TNRC6B: variants seen among roughly 807,000 people sequenced by gnomAD.
The protein encoded by TNRC6B is trinucleotide repeat-containing gene 6B protein.
A neutral mutation model predicts 203.6 loss-of-function variants in TNRC6B; 52 were observed. The observed-to-expected ratio is 0.26, with a 90% CI of 0.20 to 0.32. The LOEUF is 0.32. Ranked by LOEUF, TNRC6B falls within the 10% of genes least tolerant of loss-of-function variation. The probability of loss-of-function intolerance (pLI) is 1.00; values close to 1 mark genes in which losing one functional copy is unlikely to be tolerated. For missense variants in TNRC6B, 1,923 were observed against 2,286.2 expected (o/e 0.84, Z 3.24); for synonymous variants, 838 against 845.7 (o/e 0.99, Z 0.16).
At chr22:40,223,623 G>A (rs370838767) in intron 1 of TNRC6B, among the ~76,000 whole-genome samples, 4 of 152,282 alleles carry the variant, frequency 2.6e-5, no homozygotes, top group East Asian at 1.9e-4. Context: ...TAATTGCATA[G>A]TATTCTCTTG....
At chr22:40,313,087 T>C in intron 19 of TNRC6B, 90 bp downstream of exon 19, 1 of 1,020,522 alleles carries the variant, frequency 9.8e-7, no homozygotes, top group Non-Finnish European at 1.5e-6. Flanking sequence ...TTTCATAAGA[T>C]ATACTCTTAC....
chr22:40,274,702 T>C (rs1418570172), intron 7 of TNRC6B, among the ~76,000 whole-genome samples: 1 of 152,210 alleles, frequency 6.6e-6, no homozygotes, highest in East Asian at 1.9e-4. Context: ...ATTACAGGCG[T>C]GAGCCTCTGC....
rs1601818745 is a variant in TNRC6B, at chr22:40,106,952, G to A, written c.-120-10103G>A. On this transcript the variant is annotated intron_variant, in intron 1 of 23. Transcript: ENST00000301923. Reference sequence around the variant, plus strand: ...CCTTGCCCTTTGAAGCATCTTTTGGGCAAACTTCTTTCTCAGGCGCTTGAT... The same window carrying A: ...CCTTGCCCTTTGAAGCATCTTTTGGACAAACTTCTTTCTCAGGCGCTTGAT... 3.4e-6 allele frequency: 4 copies of A among 1,176,522 alleles called. No individual in the cohort carries two copies. The African/African-American group carries it at 4.5e-5, about 13-fold the overall frequency. The allele number at this position is 1,176,522 out of a possible 1,614,324, so 72.9% of individuals were successfully genotyped here.
At chr22:40,312,737 C>A in intron 18 of TNRC6B, 86 bp downstream of exon 18, 1 of 1,527,454 alleles carries the variant, frequency 6.5e-7, no homozygotes, top group Non-Finnish European at 8.9e-7. Context: ...CTTGCTGGTA[C>A]CTAAAAGTTT....
At chr22:40,148,580 G>C (rs919293760) in intron 3 of TNRC6B, among the ~76,000 whole-genome samples, 5 of 150,198 alleles carry the variant, frequency 3.3e-5, no homozygotes, top group African/African-American at 4.9e-5. Context: ...ACCGCGCCGG[G>C]CCAGAAAACA....
intron 3 of TNRC6B, among the ~76,000 whole-genome samples, chr22:40,155,533 C>T (rs565324482): frequency 1.8e-4 from 28 of 152,110 alleles, no homozygotes; most frequent in Admixed American, 5.2e-4. Context: ...ATGATCTGCC[C>T]GCTTTGGCCT....
chr22:40,260,729 A>C (rs992970501), intron 3 of TNRC6B, among the ~76,000 whole-genome samples: 5 of 152,208 alleles, frequency 3.3e-5, no homozygotes, highest in African/African-American at 1.2e-4. Context: ...TCTTCTAGGC[A>C]GCACTTCAGG....
intron 3 of TNRC6B, among the ~76,000 whole-genome samples, chr22:40,137,309 G>A (rs997550734): frequency 2.0e-5 from 3 of 152,202 alleles, no homozygotes; most frequent in African/African-American, 7.2e-5. Context: ...TTCCCCATTT[G>A]TTTACGTAGC....
intron 3 of TNRC6B, among the ~76,000 whole-genome samples, chr22:40,129,773 A>ACT (rs1205321967): frequency 6.6e-6 from 1 of 152,200 alleles, no homozygotes; most frequent in Non-Finnish European, 1.5e-5. Context: ...ATGTGGTGAA[A>ACT]CTGACAATCA....
chr22:40,212,422 C>A (rs1987449352), intron 1 of TNRC6B, among the ~76,000 whole-genome samples: 2 of 152,218 alleles, frequency 1.3e-5, no homozygotes, highest in Non-Finnish European at 2.9e-5. Context: ...TTAGCACTCT[C>A]CTTAGTGAGT....
chr22:40,225,465 A>C (rs2069770130), intron 1 of TNRC6B, among the ~76,000 whole-genome samples: 1 of 152,218 alleles, frequency 6.6e-6, no homozygotes, highest in Admixed American at 6.5e-5. Flanking sequence ...GCAGTGGCTC[A>C]CGCCAGTAAT....
chr22:40,278,556 C>CAA (rs34010156), intron 9 of TNRC6B, among the ~76,000 whole-genome samples: 19 of 78,716 alleles, frequency 2.4e-4, no homozygotes, highest in East Asian at 3.7e-4. Context: ...GACTCAGTCT[C>CAA]AAAAAAAAAA....
chr22:40,259,755 ATCTC>A (rs1034659593), intron 3 of TNRC6B, among the ~76,000 whole-genome samples: 1 of 152,144 alleles, frequency 6.6e-6, no homozygotes, highest in Non-Finnish European at 1.5e-5. Context: ...CTGATGATGT[ATCTC>A]TCTCATAAAG....
At chr22:40,291,352 T>C (rs977967337) in intron 12 of TNRC6B, among the ~76,000 whole-genome samples, 24 of 151,814 alleles carry the variant, frequency 1.6e-4, no homozygotes, top group Non-Finnish European at 4.4e-5. Flanking sequence ...ACCGCTGCAA[T>C]CCAGCCTGGG....
chr22:40,115,139 CA>C (rs1199924551), intron 1 of TNRC6B, among the ~76,000 whole-genome samples: 1 of 152,172 alleles, frequency 6.6e-6, no homozygotes, highest in Admixed American at 6.5e-5. Flanking sequence ...GACTCACTGC[CA>C]AGCAGGCTAG....
chr22:40,090,306 A>G lies in TNRC6B; in HGVS notation c.-120-26749A>G, dbSNP rs1601809249. 2.0e-5 allele frequency among the ~76,000 whole-genome samples: 3 copies of G among 152,156 alleles called. No homozygotes were observed. In the East Asian group the frequency reaches 5.8e-4, roughly 29 times the overall value. On this transcript the variant is annotated intron_variant, in intron 1 of 23. Coordinates refer to the TNRC6B transcript ENST00000301923. Reference sequence around the variant, plus strand: ...GGTTTTGCATTCCCACCAGCAATGAAGGAGCATTCCTGTTTCTCCATGTCG... The same window carrying G: ...GGTTTTGCATTCCCACCAGCAATGAGGGAGCATTCCTGTTTCTCCATGTCG...
At chr22:40,048,605 C>T (rs949568586) in intron 1 of TNRC6B, among the ~76,000 whole-genome samples, 1 of 151,842 alleles carries the variant, frequency 6.6e-6, no homozygotes, top group Non-Finnish European at 1.5e-5. Flanking sequence ...TGTCTCCCTG[C>T]AGCAGTCAAT....
At chr22:40,127,642 T>C (rs112779943) in intron 3 of TNRC6B, among the ~76,000 whole-genome samples, 9,823 of 152,118 alleles carry the variant, frequency 0.065, 1,038 homozygotes, top group African/African-American at 0.23. Context: ...GAGTCCGAGG[T>C]GGGCAGATTG....
intron 1 of TNRC6B, among the ~76,000 whole-genome samples, chr22:40,202,017 A>G (rs1306451803): frequency 6.6e-6 from 1 of 152,124 alleles, no homozygotes; most frequent in Non-Finnish European, 1.5e-5. Flanking sequence ...TCAGGTTTGA[A>G]AGGGTCACGT....
Sources: gnomAD v4.1 joint callset for allele counts (sites outside exome capture counted in the v4.1 genomes callset) on GRCh38, gnomAD v4.1.1 for gene constraint, MANE v1.5 for transcripts, NCBI Gene and HGNC (gene_info 2026-07-23, HGNC 2026-07-21) for gene names.